Variants in UGDH observed in about 807,000 individuals in gnomAD.
UGDH encodes UDP-glucose 6-dehydrogenase, also known as UDP-Glc dehydrogenase.
Under a neutral mutation model 50.6 loss-of-function variants are expected in UGDH, and 38 were observed. That is an observed-to-expected ratio of 0.75 (90% CI 0.58 to 0.98). UGDH has a LOEUF of 0.98. Ranked by LOEUF, UGDH falls within the 50% of genes least tolerant of loss-of-function variation. The probability of loss-of-function intolerance (pLI) is 0.00; values close to 1 mark genes in which losing one functional copy is unlikely to be tolerated. For synonymous variants in UGDH, 168 were observed against 199.9 expected (o/e 0.84, Z 1.35); for missense variants, 465 against 606.2 (o/e 0.77, Z 2.45).
At chr4:39,515,741 C>T (rs968689618) in intron 2 of UGDH, among the ~76,000 whole-genome samples, 12 of 152,200 alleles carry the variant, frequency 7.9e-5, no homozygotes, top group Middle Eastern at 3.4e-3. Context: ...GCTCTGTCAC[C>T]CTGGCTGGAG....
At chr4:39,517,074 T>G (rs1296079383) in intron 2 of UGDH, among the ~76,000 whole-genome samples, 1 of 152,152 alleles carries the variant, frequency 6.6e-6, no homozygotes, top group African/African-American at 2.4e-5. Context: ...TATTTAGAAT[T>G]TATATGGTAC....
intron 7 of UGDH, 44 bp downstream of exon 7, chr4:39,508,522 C>T (rs753302177): frequency 1.3e-6 from 2 of 1,581,356 alleles, no homozygotes; most frequent in African/African-American, 2.7e-5. Context: ...GTGTGAACCA[C>T]TATGCCTGGC....
intron 2 of UGDH, among the ~76,000 whole-genome samples, chr4:39,519,530 T>C (rs1307925303): frequency 1.3e-5 from 2 of 151,960 alleles, no homozygotes; most frequent in Non-Finnish European, 2.9e-5. Flanking sequence ...AAACCAAATA[T>C]AGTAGTAATA....
chr4:39,506,233 T>TTAAAAAA (rs543831901), intron 7 of UGDH, among the ~76,000 whole-genome samples: 3 of 131,134 alleles, frequency 2.3e-5, no homozygotes, highest in East Asian at 2.3e-4. Flanking sequence ...GCCGTAAATT[T>TTAAAAAA]AAAAAAAAAA....
intron 5 of UGDH, 76 bp downstream of exon 5, chr4:39,510,275 ATC>A: frequency 1.4e-6 from 2 of 1,408,864 alleles, no homozygotes; most frequent in Non-Finnish European, 2.0e-6. Flanking sequence ...TTAAAAAAGT[ATC>A]TGTGTAGTTT....
At chr4:39,527,036 G>A in intron 1 of UGDH, 1 of 1,289,380 alleles carries the variant, frequency 7.8e-7, no homozygotes, top group Non-Finnish European at 1.0e-6. Context: ...AGAAAGAGAA[G>A]GGGCTGGAAG....
intron 11 of UGDH, 26 bp downstream of exon 11, chr4:39,503,846 GAAA>G (rs748973461): frequency 6.3e-7 from 1 of 1,596,784 alleles, no homozygotes; most frequent in South Asian, 1.1e-5. Context: ...CAAACAAAAA[GAAA>G]AAAAACAATC....
At chr4:39,508,467 C>T in intron 7 of UGDH, 99 bp downstream of exon 7, 1 of 1,208,618 alleles carries the variant, frequency 8.3e-7, no homozygotes, top group East Asian at 2.6e-5. Flanking sequence ...TTCCTGGCCT[C>T]AAGTGATGCT....
intron 1 of UGDH, among the ~76,000 whole-genome samples, chr4:39,525,512 CT>C (rs559859570): frequency 2.2e-4 from 32 of 142,382 alleles, no homozygotes; most frequent in Non-Finnish European, 2.4e-4. Flanking sequence ...TTTTCTTTTT[CT>C]TTTTTTTTTT....
intron 2 of UGDH, among the ~76,000 whole-genome samples, chr4:39,517,396 G>A (rs1336854227): frequency 6.6e-6 from 1 of 151,928 alleles, no homozygotes; most frequent in African/African-American, 2.4e-5. Context: ...TTTAAATACA[G>A]ACGGGGTTTC....
intron 2 of UGDH, among the ~76,000 whole-genome samples, chr4:39,518,558 A>G (rs1184676302): frequency 6.6e-6 from 1 of 151,454 alleles, no homozygotes; most frequent in Non-Finnish European, 1.5e-5. Flanking sequence ...TATATTGACC[A>G]GGATGGAGTC....
rs562445641 is a variant in UGDH, at chr4:39,504,096, C to T, written c.1264-111G>A. ...GGCCAAGATGGGTGGATCACGAGGTCAGGAGATCGAGACCATCCTGGCCAA... is the reference window on the plus strand; with the variant it reads ...GGCCAAGATGGGTGGATCACGAGGTTAGGAGATCGAGACCATCCTGGCCAA... On this transcript the variant is annotated intron_variant, in intron 10 of 11. Transcript: ENST00000316423. 15 of 841,066 alleles carry T rather than the reference C, an allele frequency of 1.8e-5. No homozygotes were observed. In the East Asian group the frequency reaches 2.7e-4, roughly 15 times the overall value. The allele number at this position is 841,066 out of a possible 1,614,324, so 52.1% of individuals were successfully genotyped here.
At chr4:39,502,551 A>G (rs1000084236) in intron 11 of UGDH, among the ~76,000 whole-genome samples, 10 of 152,092 alleles carry the variant, frequency 6.6e-5, no homozygotes, top group African/African-American at 1.2e-4. Flanking sequence ...ACCCCCTGGC[A>G]TATTTTTTTA....
At chr4:39,527,001 C>T in intron 1 of UGDH, 1 of 1,289,026 alleles carries the variant, frequency 7.8e-7, no homozygotes, top group South Asian at 1.2e-5. Context: ...GAAATCTCAT[C>T]CAAGTCAGGA....
intron 3 of UGDH, among the ~76,000 whole-genome samples, chr4:39,512,026 A>G (rs1037860189): frequency 3.9e-5 from 1 of 25,720 alleles, no homozygotes; most frequent in Non-Finnish European, 1.4e-4. Flanking sequence ...TTTCATTTAG[A>G]AAAAAAAAAA....
At position 39,508,557 on chromosome 4, in the gene UGDH, G is replaced by A; in HGVS notation, c.906+9C>T. Reference sequence around the variant, plus strand: ...CTAAACAGAAATTATTACCTATAGAGATTAATACCTGCTGCCAATAACGAG... The same window carrying A: ...CTAAACAGAAATTATTACCTATAGAAATTAATACCTGCTGCCAATAACGAG... On this transcript the variant is annotated intron_variant, in intron 7 of 11. Transcript: ENST00000316423. The A allele has an allele frequency of 6.2e-7, 1 of 1,610,594 alleles. No individual in the cohort carries two copies. The highest frequency in any genetic ancestry group is 8.5e-7 in the Non-Finnish European group (1 of 1,178,724).
At position 39,511,710 on chromosome 4, in the gene UGDH, C is replaced by CT. The variant is rs59465226; in HGVS notation, c.265-850dup. ...AGAATACTATGTGGACAAAGACTTG[C>CT]TTTTTTTTTTTTTTTTTAAGATGGA... On this transcript the variant is annotated intron_variant, in intron 3 of 11. Coordinates refer to ENST00000316423, the MANE Select transcript of UGDH (RefSeq NM_003359.4). Among the ~76,000 whole-genome samples, 919 of 134,734 alleles carry CT rather than the reference C, an allele frequency of 6.8e-3. 11 individuals carry two copies. Among genetic ancestry groups the CT allele is most frequent in the African/African-American group, 0.019 (699 of 36,636 alleles). The allele number at this position is 134,734 out of a possible 152,430, so 88.4% of individuals were successfully genotyped here.
chr4:39,515,380 C>A (rs1471973853), intron 2 of UGDH, among the ~76,000 whole-genome samples: 1 of 151,950 alleles, frequency 6.6e-6, no homozygotes, highest in East Asian at 1.9e-4. Flanking sequence ...ATAATTCAGG[C>A]CATAGAACTG....
At chr4:39,504,035 G>A (rs757327836) in intron 10 of UGDH, 50 bp from the exon 11 acceptor site, 144 of 1,513,222 alleles carry the variant, frequency 9.5e-5, no homozygotes, top group Non-Finnish European at 1.2e-4. Context: ...TGGGCCGGGC[G>A]GAGTGGCTCA....
Sources: gnomAD v4.1 joint callset for allele counts (sites outside exome capture counted in the v4.1 genomes callset) on GRCh38, gnomAD v4.1.1 for gene constraint, MANE v1.5 for transcripts, NCBI Gene and HGNC (gene_info 2026-07-23, HGNC 2026-07-21) for gene names.